The following SKIC3 variants were observed in gnomAD, a reference collection of about 807,000 sequenced individuals.
The protein encoded by SKIC3 is SKI3 subunit of superkiller complex, also known as superkiller complex protein 3.
the SKIC3 span, among the ~76,000 whole-genome samples, chr5:95,485,981 C>A: frequency 2.0e-5 from 3 of 151,996 alleles, no homozygotes; most frequent in Non-Finnish European, 4.4e-5. Flanking sequence ...GGAAAGAGAC[C>A]CCTAACAGTT....
chr5:95,526,289 A>T, the SKIC3 span, among the ~76,000 whole-genome samples: 1 of 151,612 alleles, frequency 6.6e-6, no homozygotes, highest in South Asian at 2.1e-4. Flanking sequence ...GTTGAAAAAT[A>T]TGGCCTATTT....
chr5:95,486,090 T>G, the SKIC3 span, among the ~76,000 whole-genome samples: 3 of 152,144 alleles, frequency 2.0e-5, no homozygotes, highest in Non-Finnish European at 4.4e-5. Flanking sequence ...ATAATGGCAT[T>G]GGTCCAAAGT....
At chr5:95,538,888 C>T in the SKIC3 span, among the ~76,000 whole-genome samples, 1 of 152,242 alleles carries the variant, frequency 6.6e-6, no homozygotes, top group Non-Finnish European at 1.5e-5. Flanking sequence ...TAAAGAAACA[C>T]ACCTTTAAAA....
the SKIC3 span, among the ~76,000 whole-genome samples, chr5:95,530,605 C>T: frequency 6.6e-6 from 1 of 152,116 alleles, no homozygotes; most frequent in South Asian, 2.1e-4. Context: ...GGCAACCATG[C>T]GCTGCTAGAG....
At chr5:95,483,675 C>T in the SKIC3 span, among the ~76,000 whole-genome samples, 4 of 152,136 alleles carry the variant, frequency 2.6e-5, no homozygotes, top group Non-Finnish European at 2.9e-5. Context: ...TTATGAAATA[C>T]GATGTTTTCA....
chr5:95,506,150 A>T, the SKIC3 span, among the ~76,000 whole-genome samples: 7 of 152,218 alleles, frequency 4.6e-5, no homozygotes, highest in Admixed American at 3.9e-4. Context: ...TTTTAAATTT[A>T]ACAGTTTAAA....
At chr5:95,502,901 G>A in the SKIC3 span, 1 of 1,613,812 alleles carries the variant, frequency 6.2e-7, no homozygotes, top group South Asian at 1.1e-5. Flanking sequence ...CAATGTCTTG[G>A]CTACATCCGT....
the SKIC3 span, among the ~76,000 whole-genome samples, chr5:95,532,003 T>C: frequency 2.6e-5 from 4 of 152,082 alleles, no homozygotes; most frequent in Non-Finnish European, 5.9e-5. Context: ...ATTAAAAATC[T>C]TCACCATCCT....
chr5:95,500,103 C>T, the SKIC3 span, among the ~76,000 whole-genome samples: 10 of 151,722 alleles, frequency 6.6e-5, no homozygotes, highest in African/African-American at 1.2e-4. Flanking sequence ...TTTCCAAAAA[C>T]GGGAGCTTTT....
At chr5:95,464,757 G>A in the SKIC3 span, 1 of 1,204,340 alleles carries the variant, frequency 8.3e-7, no homozygotes, top group Non-Finnish European at 1.2e-6. Context: ...TTGAAGCCAA[G>A]TAATCCAAGG....
At chr5:95,501,718 T>A in the SKIC3 span, among the ~76,000 whole-genome samples, 4 of 149,370 alleles carry the variant, frequency 2.7e-5, no homozygotes, top group Admixed American at 1.3e-4. Flanking sequence ...ATATATATAT[T>A]TTTTCCCACT....
chr5:95,491,185 T>A, the SKIC3 span: 3 of 1,192,730 alleles, frequency 2.5e-6, no homozygotes, highest in South Asian at 4.4e-5. Context: ...TAAATTGCAC[T>A]TGTTTTCAGA....
the SKIC3 span, chr5:95,525,260 A>T: frequency 1.2e-6 from 1 of 806,194 alleles, no homozygotes; most frequent in Admixed American, 2.5e-5. Flanking sequence ...ACATTTCTTT[A>T]AAATACTAAA....
the SKIC3 span, among the ~76,000 whole-genome samples, chr5:95,498,011 G>T: frequency 1.5e-4 from 23 of 152,072 alleles, no homozygotes; most frequent in Non-Finnish European, 2.9e-4. Context: ...TTAAACTTTT[G>T]AAGAAATTAA....
At chr5:95,503,691 A>T in the SKIC3 span, 1 of 1,383,086 alleles carries the variant, frequency 7.2e-7, no homozygotes, top group Non-Finnish European at 1.0e-6. Context: ...GCTGACTCCT[A>T]GTCAGATTTT....
the SKIC3 span, among the ~76,000 whole-genome samples, chr5:95,528,527 A>G: frequency 6.6e-6 from 1 of 152,332 alleles, no homozygotes; most frequent in South Asian, 2.1e-4. Flanking sequence ...ATTAGAATGG[A>G]CCAAGGTGAA....
At chr5:95,511,829 C>A in the SKIC3 span, among the ~76,000 whole-genome samples, 1 of 152,176 alleles carries the variant, frequency 6.6e-6, no homozygotes, top group Non-Finnish European at 1.5e-5. Context: ...ATTTTGGTAG[C>A]ATGCCCAAGG....
At chr5:95,498,401 C>G in the SKIC3 span, 2 of 1,614,196 alleles carry the variant, frequency 1.2e-6, no homozygotes, top group Admixed American at 3.3e-5. Context: ...TGTTTTTGCA[C>G]AGCCACACTG....
At chr5:95,517,803 T>C in the SKIC3 span, among the ~76,000 whole-genome samples, 12 of 152,160 alleles carry the variant, frequency 7.9e-5, no homozygotes, top group South Asian at 6.2e-4. Flanking sequence ...GGGAACTCAA[T>C]CTCCAGGACA....
Sources: gnomAD v4.1 joint callset for allele counts (sites outside exome capture counted in the v4.1 genomes callset) on GRCh38, gnomAD v4.1.1 for gene constraint, MANE v1.5 for transcripts, NCBI Gene and HGNC (gene_info 2026-07-23, HGNC 2026-07-21) for gene names.